The following PRKAG2 variants were observed in gnomAD, a reference collection of about 807,000 sequenced individuals.
PRKAG2 encodes protein kinase AMP-activated non-catalytic subunit gamma 2.
Under a neutral mutation model 69.6 loss-of-function variants are expected in PRKAG2, and 26 were observed. The observed-to-expected ratio is 0.37, with a 90% confidence interval of 0.27 to 0.52. PRKAG2 has a LOEUF of 0.52. Among genes scored for constraint, PRKAG2 ranks in the 20% least tolerant of loss-of-function variants. The probability of loss-of-function intolerance (pLI) is 0.90; values close to 1 mark genes in which losing one functional copy is unlikely to be tolerated. For missense variants in PRKAG2, 557 were observed against 740.0 expected (o/e 0.75, Z 2.87); for synonymous variants, 293 against 285.0 (o/e 1.03, Z -0.28).
chr7:151,668,205 C>G (rs1341722223), intron 4 of PRKAG2, among the ~76,000 whole-genome samples: 1 of 152,226 alleles, frequency 6.6e-6, no homozygotes, highest in African/African-American at 2.4e-5. Context: ...GTTTCTCTCT[C>G]TTGCCAGGTG....
intron 1 of PRKAG2, among the ~76,000 whole-genome samples, chr7:151,851,412 C>T (rs972926715): frequency 3.9e-5 from 6 of 152,102 alleles, no homozygotes; most frequent in African/African-American, 1.2e-4. Context: ...GGAAACTGCC[C>T]GATCCCCACC....
At position 151,675,606 on chromosome 7, in the gene PRKAG2, G is replaced by T. The variant is rs1230264795; in HGVS notation, c.498C>A (p.Pro166=). ...ACGTGTGCTGCTTGGTCACTTGGGT[G>T]GGTGTTGACGGAGAGGAGGAGAGGC... The part of the protein sequence containing the change: ...TSGLSSSPST[P]TQVTKQHTFP... The change falls in exon 4 of 16, where the codon CCC becomes CCA. Residue 166 remains proline, a synonymous_variant. Transcript: ENST00000287878. 1 of 1,614,064 alleles carries T rather than the reference G, an allele frequency of 6.2e-7. No homozygotes were observed. Among genetic ancestry groups the T allele is most frequent in the South Asian group, 1.1e-5 (1 of 91,082 alleles).
At chr7:151,852,795 C>A (rs763408634) in intron 1 of PRKAG2, among the ~76,000 whole-genome samples, 4 of 152,162 alleles carry the variant, frequency 2.6e-5, no homozygotes, top group Non-Finnish European at 5.9e-5. Context: ...CCCTGCACTC[C>A]ACGAGAATTA....
At chr7:151,626,441 T>C (rs1822922703) in intron 5 of PRKAG2, among the ~76,000 whole-genome samples, 1 of 152,186 alleles carries the variant, frequency 6.6e-6, no homozygotes, top group Non-Finnish European at 1.5e-5. Context: ...TTCATACAAT[T>C]GTAACTACTC....
chr7:151,870,153 A>AGGCAGG (rs1563769197), intron 1 of PRKAG2, among the ~76,000 whole-genome samples: 2 of 115,424 alleles, frequency 1.7e-5, no homozygotes, highest in Non-Finnish European at 3.7e-5. Context: ...AGATAGATAG[A>AGGCAGG]TAGGCAGGCA....
At chr7:151,754,036 C>T (rs887660325) in intron 3 of PRKAG2, among the ~76,000 whole-genome samples, 2 of 152,132 alleles carry the variant, frequency 1.3e-5, no homozygotes, top group African/African-American at 4.8e-5. Context: ...AGAAAAAGAG[C>T]TACAGTGGGC....
intron 5 of PRKAG2, among the ~76,000 whole-genome samples, chr7:151,628,234 C>T (rs978356059): frequency 2.0e-5 from 3 of 152,174 alleles, no homozygotes; most frequent in Non-Finnish European, 4.4e-5. Flanking sequence ...TTATTAATCA[C>T]GGATAAAACT....
chr7:151,785,898 A>C (rs2076981893), intron 2 of PRKAG2, among the ~76,000 whole-genome samples: 2 of 152,126 alleles, frequency 1.3e-5, no homozygotes, highest in African/African-American at 4.8e-5. Context: ...GACCCTACAC[A>C]GTCAACAACC....
intron 1 of PRKAG2, among the ~76,000 whole-genome samples, chr7:151,791,658 C>T (rs2151824912): frequency 6.6e-6 from 1 of 152,292 alleles, no homozygotes; most frequent in East Asian, 1.9e-4. Context: ...GATAAAGTCA[C>T]CTGTCAGAAA....
intron 1 of PRKAG2, among the ~76,000 whole-genome samples, chr7:151,854,233 T>C (rs528061569): frequency 1.3e-5 from 2 of 152,388 alleles, no homozygotes; most frequent in South Asian, 2.1e-4. Flanking sequence ...TGGAACTTTC[T>C]AAAATGCAGA....
intron 3 of PRKAG2, among the ~76,000 whole-genome samples, chr7:151,726,756 CT>C (rs1160356559): frequency 6.6e-6 from 1 of 152,096 alleles, no homozygotes; most frequent in Non-Finnish European, 1.5e-5. Flanking sequence ...GGGGAAGTAG[CT>C]GGGAGAGAGT....
intron 5 of PRKAG2, among the ~76,000 whole-genome samples, chr7:151,611,302 G>C (rs1017658947): frequency 6.6e-6 from 1 of 152,152 alleles, no homozygotes; most frequent in Non-Finnish European, 1.5e-5. Context: ...TACCCATTAT[G>C]CGAAGATTTT....
rs1258497596 is a variant in PRKAG2, at chr7:151,560,573, A to G, written c.1629T>C (p.Gly543=). The change falls in exon 15 of 16, where the codon GGT becomes GGC. Residue 543 remains glycine, a synonymous_variant. Coordinates refer to ENST00000287878, the MANE Select transcript of PRKAG2 (RefSeq NM_016203.4). Reference sequence around the variant, plus strand: ...GCAGAATGTCCGACAGGGAAATAATACCCACAATACTATCTGCTTCATTTA... The same window carrying G: ...GCAGAATGTCCGACAGGGAAATAATGCCCACAATACTATCTGCTTCATTTA... ...VVVNEADSIV[G]IISLSDILQA... is the part of the protein sequence containing the mutation. 1 of 1,613,752 alleles carries G rather than the reference A, an allele frequency of 6.2e-7. No individual in the cohort carries two copies. The highest frequency in any genetic ancestry group is 8.5e-7 in the Non-Finnish European group (1 of 1,179,822).
In PRKAG2 at chr7:151,702,803, G is replaced by T. The variant is rs73728277; in HGVS notation, c.467-27166C>A. Among the ~76,000 whole-genome samples the T allele has an allele frequency of 1.7e-3, 255 of 152,330 alleles. 1 individual carries two copies. Among genetic ancestry groups the T allele is most frequent in the Middle Eastern group, 6.8e-3 (2 of 294 alleles). On this transcript the variant is annotated intron_variant, in intron 3 of 15. Coordinates refer to ENST00000287878, the MANE Select transcript of PRKAG2 (RefSeq NM_016203.4). Reference sequence around the variant, plus strand: ...GCAAAGTTTTGGTTGAGGGGATGAGGTGATGGCAAGGAGGGCGAGGACCAG... The same window carrying T: ...GCAAAGTTTTGGTTGAGGGGATGAGTTGATGGCAAGGAGGGCGAGGACCAG...
chr7:151,741,956 C>T (rs2151713643), intron 3 of PRKAG2, among the ~76,000 whole-genome samples: 1 of 152,268 alleles, frequency 6.6e-6, no homozygotes, highest in East Asian at 1.9e-4. Flanking sequence ...TACCATATGC[C>T]AGCTGGGGTG....
chr7:151,678,836 G>A (rs1418345693), intron 3 of PRKAG2, among the ~76,000 whole-genome samples: 3 of 152,116 alleles, frequency 2.0e-5, no homozygotes, highest in Admixed American at 2.0e-4. Flanking sequence ...GCGCGCGCCT[G>A]TAGTCCCAGC....
chr7:151,801,312 C>A (rs1243368887), intron 1 of PRKAG2, among the ~76,000 whole-genome samples: 1 of 152,192 alleles, frequency 6.6e-6, no homozygotes, highest in East Asian at 1.9e-4. Flanking sequence ...ATAAATGAGA[C>A]CAGAGACACT....
rs1001768094 is a variant in PRKAG2 at position 151,835,575 on chromosome 7, C to A, written c.114+40932G>T. Among the ~76,000 whole-genome samples the A allele has an allele frequency of 6.6e-6, 1 of 152,138 alleles. No individual in the cohort carries two copies. Among genetic ancestry groups the A allele is most frequent in the Non-Finnish European group, 1.5e-5 (1 of 68,014 alleles). On this transcript the variant is annotated intron_variant, in intron 1 of 15. Coordinates refer to ENST00000287878, the MANE Select transcript of PRKAG2 (RefSeq NM_016203.4). The surrounding 1 kb of genome is among the most constrained non-coding windows in gnomAD (Gnocchi z 4.1). ...CTAACAGCATCCTCCCTGGCCTAAG[C>A]CTGGGAGCCTTCCTAAAGGCGTAAG... is the stretch of plus-strand genomic sequence containing the variant.
At chr7:151,800,358 A>G (rs1178192497) in intron 1 of PRKAG2, among the ~76,000 whole-genome samples, 2 of 68,024 alleles carry the variant, frequency 2.9e-5, no homozygotes, top group African/African-American at 1.1e-4. Context: ...ACTCTGTCTC[A>G]AAAAAAAAAA....
Sources: allele counts gnomAD v4.1 joint callset (sites outside exome capture counted in the v4.1 genomes callset), GRCh38; gene constraint gnomAD v4.1.1; non-coding constraint Gnocchi (gnomAD v3.1); transcripts MANE v1.5; gene names NCBI Gene and HGNC (gene_info 2026-07-23, HGNC 2026-07-21).